ATP8B4: variants seen among roughly 807,000 people sequenced by gnomAD.
ATP8B4 encodes the protein probable phospholipid-transporting ATPase IM.
A neutral mutation model predicts 145.6 loss-of-function variants in ATP8B4; 133 were observed. The observed-to-expected ratio is 0.91, with a 90% CI of 0.79 to 1.05. The LOEUF is 1.05. Ranked by LOEUF, ATP8B4 falls within the 50% of genes least tolerant of loss-of-function variation. The probability of loss-of-function intolerance (pLI) is 0.00; values close to 1 mark genes in which losing one functional copy is unlikely to be tolerated. For missense variants in ATP8B4, 1,458 were observed against 1,425.2 expected, an observed-to-expected ratio of 1.02 and a Z score of -0.37; for synonymous variants, 507 against 492.9, an observed-to-expected ratio of 1.03 and a Z score of -0.38.
intron 10 of ATP8B4, among the ~76,000 whole-genome samples, chr15:49,986,160 C>T (rs2046581035): frequency 6.6e-6 from 1 of 152,114 alleles, no homozygotes; most frequent in South Asian, 2.1e-4. Flanking sequence ...TAGCATGAAA[C>T]GTTGTAGCTG....
intron 1 of ATP8B4, among the ~76,000 whole-genome samples, chr15:50,126,158 C>T (rs1278975368): frequency 6.6e-6 from 1 of 150,658 alleles, no homozygotes; most frequent in Non-Finnish European, 1.5e-5. Context: ...ACGGGAAACC[C>T]TCAGAACAAG....
intron 25 of ATP8B4, among the ~76,000 whole-genome samples, chr15:49,872,821 A>G (rs1431686456): frequency 6.6e-6 from 1 of 152,066 alleles, no homozygotes; most frequent in Non-Finnish European, 1.5e-5. Context: ...TAGAAGAGAA[A>G]AGGGTAATTA....
chr15:49,995,255 G>C (rs936820905), intron 9 of ATP8B4, among the ~76,000 whole-genome samples: 1 of 152,096 alleles, frequency 6.6e-6, no homozygotes, highest in Non-Finnish European at 1.5e-5. Context: ...AAATTCTGCC[G>C]GGAAAGAAAT....
chr15:49,912,718 A>T (rs2039355625), intron 20 of ATP8B4, among the ~76,000 whole-genome samples: 1 of 152,130 alleles, frequency 6.6e-6, no homozygotes, highest in Non-Finnish European at 1.5e-5. Context: ...ACACAACAAA[A>T]AAAGAAAACT....
intron 2 of ATP8B4, among the ~76,000 whole-genome samples, chr15:50,094,838 G>C (rs988138167): frequency 2.0e-5 from 3 of 151,618 alleles, no homozygotes; most frequent in Non-Finnish European, 4.4e-5. Flanking sequence ...CCCTTTCATG[G>C]TTTTTCTGCC....
intron 10 of ATP8B4, among the ~76,000 whole-genome samples, chr15:49,984,830 T>C (rs1402397668): frequency 2.6e-5 from 4 of 152,026 alleles, no homozygotes; most frequent in Admixed American, 2.6e-4. Context: ...AGGACAAAAA[T>C]GCAGTGTGCA....
intron 1 of ATP8B4, among the ~76,000 whole-genome samples, chr15:50,159,960 G>A (rs988510854): frequency 3.4e-5 from 5 of 145,808 alleles, no homozygotes; most frequent in Admixed American, 6.9e-5. Context: ...AGTTTGAGTC[G>A]GATTGATATT....
At chr15:50,036,104 C>T (rs1231706046) in intron 6 of ATP8B4, among the ~76,000 whole-genome samples, 1 of 152,188 alleles carries the variant, frequency 6.6e-6, no homozygotes, top group Non-Finnish European at 1.5e-5. Flanking sequence ...CATGCATTAA[C>T]TACTATCTTA....
chr15:50,131,060 G>C (rs990276289), intron 1 of ATP8B4, among the ~76,000 whole-genome samples: 1 of 152,084 alleles, frequency 6.6e-6, no homozygotes, highest in African/African-American at 2.4e-5. Context: ...TAGTGAAGGG[G>C]AAAGAGCCCC....
intron 9 of ATP8B4, among the ~76,000 whole-genome samples, chr15:49,995,931 G>C (rs1252626802): frequency 6.6e-6 from 1 of 152,082 alleles, no homozygotes; most frequent in Non-Finnish European, 1.5e-5. Context: ...TTTGACTCTT[G>C]AAGTACTGTG....
intron 1 of ATP8B4, among the ~76,000 whole-genome samples, chr15:50,149,243 A>G (rs1231350995): frequency 6.6e-6 from 1 of 152,216 alleles, no homozygotes; most frequent in Non-Finnish European, 1.5e-5. Flanking sequence ...ATGTCCCTGT[A>G]TATTATCTGA....
intron 2 of ATP8B4, among the ~76,000 whole-genome samples, chr15:50,103,597 C>T (rs1230710187): frequency 6.6e-6 from 1 of 151,988 alleles, no homozygotes; most frequent in African/African-American, 2.4e-5. Flanking sequence ...ATGACACAAA[C>T]AAATGGAAAC....
intron 1 of ATP8B4, among the ~76,000 whole-genome samples, chr15:50,133,319 C>T (rs191175882): frequency 1.4e-3 from 210 of 152,206 alleles, no homozygotes; most frequent in African/African-American, 5.0e-3. Context: ...TGGCCGACAC[C>T]TATAATCCTA....
chr15:49,990,872 T>A (rs2046993431), intron 9 of ATP8B4, among the ~76,000 whole-genome samples: 2 of 150,286 alleles, frequency 1.3e-5, no homozygotes, highest in Admixed American at 1.3e-4. Context: ...TAGCCAAGAG[T>A]TTTTTTAGCG....
chr15:50,165,953 CT>C (rs1301844837), intron 1 of ATP8B4, among the ~76,000 whole-genome samples: 1 of 139,870 alleles, frequency 7.1e-6, no homozygotes, highest in East Asian at 2.1e-4. Flanking sequence ...GATCTGAAAG[CT>C]CAGAGAATCC....
intron 17 of ATP8B4, among the ~76,000 whole-genome samples, chr15:49,921,212 C>T (rs2040227501): frequency 6.6e-6 from 1 of 152,040 alleles, no homozygotes; most frequent in African/African-American, 2.4e-5. Flanking sequence ...TTATTTTTTG[C>T]TGTATTAAAG....
intron 2 of ATP8B4, among the ~76,000 whole-genome samples, chr15:50,078,598 A>G (rs2054340557): frequency 6.6e-6 from 1 of 152,104 alleles, no homozygotes; most frequent in African/African-American, 2.4e-5. Flanking sequence ...GGTAAAAACA[A>G]TCAAGTAAAT....
At position 50,095,586 on chromosome 15, in the gene ATP8B4, A is replaced by G. The variant is rs1600349015; in HGVS notation, c.28+11353T>C. 1.3e-5 allele frequency among the ~76,000 whole-genome samples: 2 copies of G among 152,210 alleles called. 1 individual carries two copies. Among genetic ancestry groups the G allele is most frequent in the Non-Finnish European group, 2.9e-5 (2 of 67,996 alleles). ...AACCTGAACAGTATAGTGAGACCCTATCTTTACAAAAAATTAAAAAACTAG... is the reference window on the plus strand; with the variant it reads ...AACCTGAACAGTATAGTGAGACCCTGTCTTTACAAAAAATTAAAAAACTAG... On this transcript the variant is annotated intron_variant, in intron 2 of 27. Coordinates refer to ENST00000284509, the MANE Select transcript of ATP8B4 (RefSeq NM_024837.4).
chr15:49,929,226 C>CTG (rs1285197142), intron 16 of ATP8B4, among the ~76,000 whole-genome samples: 1 of 152,114 alleles, frequency 6.6e-6, no homozygotes. Flanking sequence ...TCTTACCCAA[C>CTG]TGCGCCACAA....
Sources: gnomAD v4.1 joint callset for allele counts (sites outside exome capture counted in the v4.1 genomes callset) on GRCh38, gnomAD v4.1.1 for gene constraint, MANE v1.5 for transcripts, NCBI Gene and HGNC (gene_info 2026-07-23, HGNC 2026-07-21) for gene names.